The following LUZP1 variants were observed in gnomAD, a reference collection of about 807,000 sequenced individuals.
LUZP1 encodes filamin mechanobinding actin cross-linking protein.
A neutral mutation model predicts 71.3 loss-of-function variants in LUZP1; 25 were observed. The ratio of observed to expected loss-of-function variants is 0.35; its 90% CI spans 0.26 to 0.49. The LOEUF (loss-of-function observed/expected upper bound fraction) is 0.49, where lower values mean the gene tolerates loss of function less well. Ranked by LOEUF, LUZP1 falls within the 20% of genes least tolerant of loss-of-function variation. LUZP1 has a pLI of 0.99. For synonymous variants in LUZP1, 481 were observed against 506.4 expected (o/e 0.95, Z 0.67); for missense variants, 1,142 against 1,300.8 (o/e 0.88, Z 1.88).
chr1:23,093,685 A>C lies in LUZP1; in HGVS notation c.577T>G (p.Phe193Val). ...TTCAAGTATTTTCTCTCACTTACAA[A>C]GCTCAGAGTTAATGATTTCAGCTTT... The change falls in exon 4 of 5, where the codon TTT becomes GTT. Residue 193 changes from phenylalanine (F) to valine (V), a missense_variant. Transcript: ENST00000302291. The surrounding 1 kb of genome is among the most constrained non-coding windows in gnomAD (Gnocchi z 4.2). 6.2e-7 allele frequency: 1 copy of C among 1,612,756 alleles called. No homozygotes were observed.
intron 3 of LUZP1, among the ~76,000 whole-genome samples, chr1:23,106,300 C>T (rs1012072005): frequency 1.3e-5 from 2 of 152,100 alleles, no homozygotes; most frequent in Non-Finnish European, 2.9e-5. Flanking sequence ...ACGTTAACTC[C>T]AAATAAATCA....
At chr1:23,096,720 C>T (rs933780042) in intron 3 of LUZP1, among the ~76,000 whole-genome samples, 11 of 152,060 alleles carry the variant, frequency 7.2e-5, no homozygotes, top group African/African-American at 2.7e-4. Context: ...CGCCTGTAAT[C>T]CCAACATTTT....
At chr1:23,122,699 C>T (rs572393762) in intron 2 of LUZP1, among the ~76,000 whole-genome samples, 2 of 152,194 alleles carry the variant, frequency 1.3e-5, no homozygotes, top group African/African-American at 4.8e-5. Flanking sequence ...CTTATTAAAA[C>T]GGGAGTGTTC....
At chr1:23,130,525 CTT>C (rs748312616) in intron 2 of LUZP1, among the ~76,000 whole-genome samples, 13 of 117,208 alleles carry the variant, frequency 1.1e-4, no homozygotes, top group Admixed American at 9.3e-5. Flanking sequence ...TAACAGTTAT[CTT>C]TTTTTTTTTT....
chr1:23,153,617 A>G (rs1644399860), intron 2 of LUZP1, among the ~76,000 whole-genome samples: 1 of 152,212 alleles, frequency 6.6e-6, no homozygotes, highest in Non-Finnish European at 1.5e-5. Flanking sequence ...ATTATTCAAC[A>G]TGAAAAACCC....
intron 2 of LUZP1, among the ~76,000 whole-genome samples, chr1:23,157,700 AGAATAGCTT>A (rs1226364577): frequency 2.0e-5 from 3 of 152,154 alleles, no homozygotes; most frequent in Admixed American, 2.0e-4. Flanking sequence ...CTGAGGCAGA[AGAATAGCTT>A]GAACCCAGGA....
intron 2 of LUZP1, among the ~76,000 whole-genome samples, chr1:23,165,088 A>C (rs1168427561): frequency 6.6e-6 from 1 of 152,116 alleles, no homozygotes; most frequent in Non-Finnish European, 1.5e-5. Flanking sequence ...TTACCTCACC[A>C]TTAAATACCG....
At chr1:23,167,535 G>A (rs1007533984) in intron 2 of LUZP1, among the ~76,000 whole-genome samples, 1 of 152,150 alleles carries the variant, frequency 6.6e-6, no homozygotes, top group African/African-American at 2.4e-5. Context: ...CAGGGGTTTT[G>A]GGGGTGCCTA....
chr1:23,097,115 G>A (rs1454856320), intron 3 of LUZP1, among the ~76,000 whole-genome samples: 1 of 152,130 alleles, frequency 6.6e-6, no homozygotes, highest in Non-Finnish European at 1.5e-5. Context: ...AGGGAAGAAG[G>A]AATGGAACAA....
chr1:23,091,685 C>T (rs774315736), exon 4 of LUZP1: 2 of 1,614,110 alleles, frequency 1.2e-6, no homozygotes, highest in Non-Finnish European at 8.5e-7. Context: ...CTGCCATTCT[C>T]TCCGCTTCTG....
intron 2 of LUZP1, among the ~76,000 whole-genome samples, chr1:23,114,112 T>A (rs1023742638): frequency 1.4e-4 from 21 of 152,066 alleles, no homozygotes; most frequent in African/African-American, 4.6e-4. Context: ...CAACTCTGGG[T>A]CATTCTCAGT....
chr1:23,149,778 A>AAAT (rs1445342244), intron 2 of LUZP1, among the ~76,000 whole-genome samples: 53 of 152,046 alleles, frequency 3.5e-4, no homozygotes, highest in Non-Finnish European at 6.9e-4. Flanking sequence ...CCTGACCAAC[A>AAAT]TGGTGAAACC....
chr1:23,105,797 A>G (rs1643976275), intron 3 of LUZP1, among the ~76,000 whole-genome samples: 1 of 152,200 alleles, frequency 6.6e-6, no homozygotes, highest in Non-Finnish European at 1.5e-5. Context: ...CACCTCCTAT[A>G]GATTAACACT....
exon 5 of LUZP1, chr1:23,086,794 GC>G (rs1643772445): frequency 6.6e-6 from 1 of 152,656 alleles, no homozygotes; most frequent in African/African-American, 2.4e-5. Flanking sequence ...CTTGGAAATA[GC>G]ATCTTGAGCA....
chr1:23,140,554 A>C (rs1644294374), intron 2 of LUZP1: 1 of 152,206 alleles, frequency 6.6e-6, no homozygotes, highest in Admixed American at 6.5e-5. Flanking sequence ...GGCTGCTCAG[A>C]GCCTGGTGCC....
chr1:23,112,181 C>T (rs1644040207), intron 2 of LUZP1, among the ~76,000 whole-genome samples: 1 of 152,220 alleles, frequency 6.6e-6, no homozygotes, highest in Non-Finnish European at 1.5e-5. Flanking sequence ...CTTCTTGCTT[C>T]CTCAGCGTAC....
intron 2 of LUZP1, among the ~76,000 whole-genome samples, chr1:23,147,926 G>C (rs1208809279): frequency 6.6e-6 from 1 of 152,098 alleles, no homozygotes; most frequent in Non-Finnish European, 1.5e-5. Context: ...CTACCATTTT[G>C]AACTTAAGAA....
chr1:23,110,626 G>A (rs958417087), intron 2 of LUZP1, among the ~76,000 whole-genome samples: 5 of 75,054 alleles, frequency 6.7e-5, no homozygotes, highest in African/African-American at 4.8e-5. Context: ...ATGCATGAAC[G>A]CGCACACATA....
chr1:23,127,572 G>A (rs1644181754), intron 2 of LUZP1, among the ~76,000 whole-genome samples: 1 of 152,146 alleles, frequency 6.6e-6, no homozygotes. Flanking sequence ...GGCCCAGGCT[G>A]GAGTGCAGTG....
Sources: gnomAD v4.1 joint callset for allele counts (sites outside exome capture counted in the v4.1 genomes callset) on GRCh38, gnomAD v4.1.1 for gene constraint, Gnocchi (gnomAD v3.1) non-coding constraint, MANE v1.5 for transcripts, NCBI Gene and HGNC (gene_info 2026-07-23, HGNC 2026-07-21) for gene names.